The following ANKRD44 variants were observed in gnomAD, a reference collection of about 807,000 sequenced individuals.
ANKRD44 encodes the protein ankyrin repeat domain 44.
Under a neutral mutation model 116.0 loss-of-function variants are expected in ANKRD44, and 35 were observed. The observed-to-expected ratio is 0.30, with a 90% CI of 0.23 to 0.40. ANKRD44 has a LOEUF of 0.40. Among genes scored for constraint, ANKRD44 ranks in the 10% least tolerant of loss-of-function variants. The pLI, the probability that ANKRD44 is intolerant of heterozygous loss-of-function variation, is 1.00. For synonymous variants in ANKRD44, 435 were observed against 461.8 expected (o/e 0.94, Z 0.74); for missense variants, 1,014 against 1,242.6 (o/e 0.82, Z 2.77).
In ANKRD44 at chr2:197,056,562, T is replaced by C. The variant is rs1391962710; in HGVS notation, c.1650+22141A>G. Among the ~76,000 whole-genome samples the C allele has an allele frequency of 5.3e-5, 8 of 152,168 alleles. No homozygotes were observed. The East Asian group carries it at 1.5e-3, about 29-fold the overall frequency. ...AAAATTGATTTTTAGAATATTAACC[T>C]TGTATATGCAAAGGGCAAAGTCATT... On this transcript the variant is annotated intron_variant, in intron 16 of 27. Coordinates refer to ENST00000282272, the MANE Select transcript of ANKRD44 (RefSeq NM_001195144.2).
At chr2:196,995,543 T>C in intron 25 of ANKRD44, 82 bp from the exon 26 acceptor site, 1 of 1,082,082 alleles carries the variant, frequency 9.2e-7, no homozygotes, top group Non-Finnish European at 1.4e-6. Context: ...ATGATTTAAA[T>C]TGAAAATGAA....
In ANKRD44 at chr2:197,081,708, T is replaced by C; in HGVS notation, c.1475A>G (p.Asn492Ser). 6.2e-7 allele frequency: 1 copy of C among 1,613,782 alleles called. No homozygotes were observed. The highest frequency in any genetic ancestry group is 1.1e-5 in the South Asian group (1 of 91,038). Reference protein sequence around the residue: ...DMDRNKTILGNAHDNSEELER... With the variant: ...DMDRNKTILGSAHDNSEELER... ...AAGTTCTTCTGAATTATCATGGGCA[T>C]TTCCTAAGATAGTCTTACTTCTCAG... The change falls in exon 15 of 28, where the codon AAT (asparagine) becomes AGT (serine). Residue 492 changes from asparagine (N) to serine (S), a missense_variant. Transcript: ENST00000282272.
chr2:197,181,311 C>G (rs1397053988), intron 2 of ANKRD44, among the ~76,000 whole-genome samples: 1 of 152,042 alleles, frequency 6.6e-6, no homozygotes, highest in Non-Finnish European at 1.5e-5. Context: ...CTACTGAAAA[C>G]AAAATAAAAT....
chr2:197,118,670 A>AGAAAGAAAGAAAGAAAGAAAGAAG (rs752322121), intron 8 of ANKRD44, among the ~76,000 whole-genome samples: 26 of 151,544 alleles, frequency 1.7e-4, no homozygotes, highest in Admixed American at 1.1e-3. Flanking sequence ...AAAGAAAGAA[A>AGAAAGAAAGAAAGAAAGAAAGAAG]GAAAGAAAAA....
At chr2:197,018,151 G>C (rs999666684) in intron 17 of ANKRD44, among the ~76,000 whole-genome samples, 2 of 152,080 alleles carry the variant, frequency 1.3e-5, no homozygotes, top group Non-Finnish European at 1.5e-5. Flanking sequence ...TCCTATCCTT[G>C]TCCCACTGCA....
intron 1 of ANKRD44, among the ~76,000 whole-genome samples, chr2:197,262,953 CT>C (rs1213997184): frequency 3.2e-4 from 48 of 152,138 alleles, no homozygotes; most frequent in Non-Finnish European, 3.2e-4. Flanking sequence ...TCAAAATTTA[CT>C]TTCCTAACAT....
chr2:197,110,712 A>T, intron 9 of ANKRD44, 54 bp downstream of exon 9: 2 of 1,507,186 alleles, frequency 1.3e-6, no homozygotes, highest in East Asian at 4.5e-5. Flanking sequence ...CTGACAGCCA[A>T]ATTCACAACA....
intron 16 of ANKRD44, chr2:197,028,958 C>CTT: frequency 1.4e-5 from 2 of 141,648 alleles, no homozygotes; most frequent in Non-Finnish European, 1.5e-5. Context: ...GATTATTTTT[C>CTT]TTTTTTTTTT....
chr2:197,010,058 G>T (rs140249733), intron 18 of ANKRD44, among the ~76,000 whole-genome samples: 71 of 152,172 alleles, frequency 4.7e-4, no homozygotes, highest in African/African-American at 1.7e-3. Context: ...TGGAGGAGGA[G>T]GAGGAAGGCG....
At chr2:197,010,742 G>A (rs1442020710) in intron 18 of ANKRD44, among the ~76,000 whole-genome samples, 2 of 152,196 alleles carry the variant, frequency 1.3e-5, no homozygotes, top group Non-Finnish European at 2.9e-5. Context: ...ACAATGAGAA[G>A]GCCACAAAGT....
At chr2:197,152,283 A>G (rs973620191) in intron 2 of ANKRD44, among the ~76,000 whole-genome samples, 11 of 152,368 alleles carry the variant, frequency 7.2e-5, no homozygotes, top group South Asian at 4.1e-4. Context: ...ACCCATGAAT[A>G]TAAGTGGGGA....
intron 10 of ANKRD44, among the ~76,000 whole-genome samples, chr2:197,097,813 T>G (rs2078196735): frequency 6.6e-6 from 1 of 152,206 alleles, no homozygotes; most frequent in Non-Finnish European, 1.5e-5. Flanking sequence ...CCACTTAGAA[T>G]TCTTTAACAG....
At chr2:197,001,090 C>T (rs2076106590) in intron 22 of ANKRD44, among the ~76,000 whole-genome samples, 1 of 152,202 alleles carries the variant, frequency 6.6e-6, no homozygotes, top group Non-Finnish European at 1.5e-5. Context: ...TTTACTTATA[C>T]TTTCTTTATT....
At chr2:197,092,979 C>G (rs2078076570) in intron 10 of ANKRD44, among the ~76,000 whole-genome samples, 1 of 151,860 alleles carries the variant, frequency 6.6e-6, no homozygotes, top group Admixed American at 6.6e-5. Context: ...TTAAATATAT[C>G]TGGACATTTA....
chr2:197,187,250 C>T (rs2080701049), intron 1 of ANKRD44, 144 bp from the exon 2 acceptor site: 1 of 731,590 alleles, frequency 1.4e-6, no homozygotes, highest in South Asian at 1.7e-5. Flanking sequence ...CTCAGACCAA[C>T]CCTTACAAGA....
intron 25 of ANKRD44, among the ~76,000 whole-genome samples, chr2:196,998,032 C>T (rs1289963551): frequency 1.3e-5 from 2 of 152,160 alleles, no homozygotes; most frequent in Non-Finnish European, 1.5e-5. Context: ...TGTGGTACAA[C>T]AACCAGAGAG....
At chr2:197,306,115 C>T (rs191763955) in intron 1 of ANKRD44, among the ~76,000 whole-genome samples, 3 of 152,138 alleles carry the variant, frequency 2.0e-5, no homozygotes, top group East Asian at 1.9e-4. Flanking sequence ...TTACTATGTA[C>T]AGAAATGGGT....
At chr2:197,058,825 C>A (rs1045477072) in intron 16 of ANKRD44, among the ~76,000 whole-genome samples, 6 of 152,338 alleles carry the variant, frequency 3.9e-5, no homozygotes, top group African/African-American at 1.4e-4. Flanking sequence ...CATTATGTGA[C>A]AGGCACATTG....
At chr2:197,306,317 C>T (rs572199475) in intron 1 of ANKRD44, among the ~76,000 whole-genome samples, 22 of 152,150 alleles carry the variant, frequency 1.4e-4, no homozygotes, top group African/African-American at 1.9e-4. Context: ...ACTTACTGGG[C>T]GTATGACCCT....
Sources: gnomAD v4.1 joint callset for allele counts (sites outside exome capture counted in the v4.1 genomes callset) on GRCh38, gnomAD v4.1.1 for gene constraint, MANE v1.5 for transcripts, NCBI Gene and HGNC (gene_info 2026-07-23, HGNC 2026-07-21) for gene names.